CALN1: variants seen among roughly 807,000 people sequenced by gnomAD.
CALN1 encodes calcium-binding protein 8.
CALN1 carries 17 observed loss-of-function variants against 30.6 expected under a neutral mutation model. That is an observed-to-expected ratio of 0.56 (90% CI 0.38 to 0.83). The LOEUF (loss-of-function observed/expected upper bound fraction) is 0.83, where lower values mean the gene tolerates loss of function less well. Among genes scored for constraint, CALN1 ranks in the 40% least tolerant of loss-of-function variants. The pLI is 0.00. For synonymous variants in CALN1, 156 were observed against 131.4 expected (o/e 1.19, Z -1.28); for missense variants, 291 against 354.9 (o/e 0.82, Z 1.45).
chr7:71,970,334 T>C (rs889202633), intron 5 of CALN1, among the ~76,000 whole-genome samples: 24 of 152,176 alleles, frequency 1.6e-4, no homozygotes, highest in Non-Finnish European at 3.1e-4. Context: ...AGTTACTTAA[T>C]CCTGCGAGAA....
At chr7:71,795,538 C>G (rs1222904594) in intron 6 of CALN1, among the ~76,000 whole-genome samples, 1 of 152,196 alleles carries the variant, frequency 6.6e-6, no homozygotes, top group Non-Finnish European at 1.5e-5. Context: ...GCGTTTAACA[C>G]ATTCGCGAGA....
chr7:72,254,203 C>G (rs1795757085), intron 3 of CALN1, among the ~76,000 whole-genome samples: 1 of 152,170 alleles, frequency 6.6e-6, no homozygotes, highest in African/African-American at 2.4e-5. Flanking sequence ...GTGTAGTGCA[C>G]TATAGAATCT....
intron 5 of CALN1, among the ~76,000 whole-genome samples, chr7:71,891,472 A>C (rs1562876495): frequency 6.6e-6 from 1 of 152,326 alleles, no homozygotes; most frequent in Admixed American, 6.5e-5. Context: ...CTGGAGCAGA[A>C]TTATTTATCC....
At chr7:72,033,050 T>C (rs1046983421) in intron 4 of CALN1, among the ~76,000 whole-genome samples, 2 of 152,234 alleles carry the variant, frequency 1.3e-5, no homozygotes, top group African/African-American at 4.8e-5. Flanking sequence ...AAGAATGTAA[T>C]TCACTCAGAC....
chr7:71,993,525 C>T (rs1021010981), intron 5 of CALN1, among the ~76,000 whole-genome samples: 12 of 150,432 alleles, frequency 8.0e-5, no homozygotes, highest in Non-Finnish European at 1.5e-4. Context: ...GGTACAATCT[C>T]GGCTCACTGC....
At chr7:72,206,583 T>C (rs1001242413) in intron 3 of CALN1, among the ~76,000 whole-genome samples, 4 of 152,196 alleles carry the variant, frequency 2.6e-5, no homozygotes, top group Admixed American at 1.3e-4. Flanking sequence ...TTAGAGTCTG[T>C]TTCCCTTTAT....
At chr7:72,108,907 C>A (rs780220385) in intron 3 of CALN1, among the ~76,000 whole-genome samples, 2 of 152,188 alleles carry the variant, frequency 1.3e-5, no homozygotes, top group African/African-American at 2.4e-5. Context: ...GTCATGGATT[C>A]CGCAAAACTG....
At chr7:72,266,033 C>G (rs1299372341) in intron 3 of CALN1, among the ~76,000 whole-genome samples, 1 of 151,720 alleles carries the variant, frequency 6.6e-6, no homozygotes, top group Non-Finnish European at 1.5e-5. Context: ...CATTGGGAGG[C>G]TGAGGTGGGA....
chr7:72,337,187 G>A (rs1305005836), intron 2 of CALN1: 1 of 983,814 alleles, frequency 1.0e-6, no homozygotes, highest in African/African-American at 1.7e-5. Flanking sequence ...CTCCTCCCCA[G>A]CTCCTCCCCA....
chr7:71,804,376 C>T (rs1787483846), intron 6 of CALN1, among the ~76,000 whole-genome samples: 2 of 152,112 alleles, frequency 1.3e-5, no homozygotes, highest in Admixed American at 1.3e-4. Flanking sequence ...GGCATGGTGG[C>T]ACATGCCTCT....
At chr7:72,384,965 CAAA>C (rs1299681648) in intron 2 of CALN1, among the ~76,000 whole-genome samples, 1 of 151,822 alleles carries the variant, frequency 6.6e-6, no homozygotes, top group Non-Finnish European at 1.5e-5. Context: ...ATGAAAAAAA[CAAA>C]GAATCTCATG....
Position 72,389,141 on chromosome 7 carries a change from C to A in CALN1, c.119+14110G>T, listed in dbSNP as rs571480255. ...CAGTATTCTGAGCAGGTGCTCTGTC[C>A]GGTGGGCTCCCAAGGTCTCCATGGC... On this transcript the variant is annotated intron_variant, in intron 2 of 6. Coordinates refer to ENST00000395275, the MANE Select transcript of CALN1 (RefSeq NM_031468.4). Among the ~76,000 whole-genome samples, 70 of 152,238 alleles carry A rather than the reference C, an allele frequency of 4.6e-4. No homozygotes were observed. The South Asian group carries it at 6.8e-3, about 15-fold the overall frequency.
intron 5 of CALN1, among the ~76,000 whole-genome samples, chr7:71,941,350 C>A (rs1208171313): frequency 1.5e-3 from 197 of 128,348 alleles, no homozygotes; most frequent in Middle Eastern, 7.8e-3. Context: ...GACTGCATCT[C>A]AAAAAAAAAA....
chr7:72,287,595 C>T (rs964351967), intron 2 of CALN1, among the ~76,000 whole-genome samples: 2 of 151,692 alleles, frequency 1.3e-5, no homozygotes, highest in Non-Finnish European at 2.9e-5. Context: ...TACTGGCGCC[C>T]GCCACGACGC....
At chr7:72,054,514 TATATAC>T (rs1803105759) in intron 4 of CALN1, among the ~76,000 whole-genome samples, 1 of 92,528 alleles carries the variant, frequency 1.1e-5, no homozygotes, top group African/African-American at 6.2e-5. Context: ...TATATACATA[TATATAC>T]ATATATACAT....
intron 3 of CALN1, among the ~76,000 whole-genome samples, chr7:72,134,431 C>A (rs1474958891): frequency 1.3e-5 from 2 of 152,190 alleles, no homozygotes; most frequent in Non-Finnish European, 2.9e-5. Flanking sequence ...AATTCAGACA[C>A]ACCTCAAAGA....
At chr7:72,205,551 A>AAATATATAC in intron 3 of CALN1, among the ~76,000 whole-genome samples, 1,036 of 82,806 alleles carry the variant, frequency 0.013, 154 homozygotes, top group East Asian at 0.12. Context: ...GCAAAAAAAA[A>AAATATATAC]ATATATATAT....
intron 4 of CALN1, among the ~76,000 whole-genome samples, chr7:72,079,357 T>C (rs570722755): frequency 6.6e-6 from 1 of 152,284 alleles, no homozygotes; most frequent in Admixed American, 6.5e-5. Context: ...CCCACTAGAA[T>C]ATAAACTCCA....
At chr7:72,128,611 C>T (rs560331033) in intron 3 of CALN1, among the ~76,000 whole-genome samples, 1 of 152,324 alleles carries the variant, frequency 6.6e-6, no homozygotes, top group African/African-American at 2.4e-5. Context: ...TGGCTCATGC[C>T]TGTAATCCCA....
Sources: gnomAD v4.1 joint callset for allele counts (sites outside exome capture counted in the v4.1 genomes callset) on GRCh38, gnomAD v4.1.1 for gene constraint, MANE v1.5 for transcripts, NCBI Gene and HGNC (gene_info 2026-07-23, HGNC 2026-07-21) for gene names.